The following ENOX1 variants were observed in gnomAD, a reference collection of about 807,000 sequenced individuals.
ENOX1 encodes candidate growth-related and time keeping constitutive hydroquinone (NADH) oxidase.
Under a neutral mutation model 82.5 loss-of-function variants are expected in ENOX1, and 42 were observed. That is an observed-to-expected ratio of 0.51 (90% CI 0.40 to 0.66). The LOEUF is 0.66. Ranked by LOEUF, ENOX1 falls within the 30% of genes least tolerant of loss-of-function variation. The pLI is 0.00. For synonymous variants in ENOX1, 271 were observed against 282.2 expected (o/e 0.96, Z 0.40); for missense variants, 608 against 811.6 (o/e 0.75, Z 3.05).
At chr13:43,244,944 G>A (rs1210883068) in intron 14 of ENOX1, among the ~76,000 whole-genome samples, 1 of 152,194 alleles carries the variant, frequency 6.6e-6, no homozygotes, top group Non-Finnish European at 1.5e-5. Context: ...ATGTGTATCA[G>A]CTACATTCTT....
chr13:43,530,138 T>G (rs762233131), intron 2 of ENOX1, among the ~76,000 whole-genome samples: 1 of 152,130 alleles, frequency 6.6e-6, no homozygotes, highest in Non-Finnish European at 1.5e-5. Flanking sequence ...GCATCCAATG[T>G]TCATAGTATT....
chr13:43,543,913 C>CTTTTTTTTTTTTTTTTTTTTTT (rs11324994), intron 2 of ENOX1: 14 of 97,426 alleles, frequency 1.4e-4, no homozygotes, highest in Non-Finnish European at 1.6e-4. Flanking sequence ...TTTTCTTTTT[C>CTTTTTTTTTTTTTTTTTTTTTT]TTTTTTTTTT....
chr13:43,602,996 C>T (rs1372185132), intron 2 of ENOX1, among the ~76,000 whole-genome samples: 3 of 152,012 alleles, frequency 2.0e-5, no homozygotes, highest in African/African-American at 7.2e-5. Context: ...ATAATAACAG[C>T]TTATGTGTAT....
chr13:43,556,778 T>C (rs1278455621), intron 2 of ENOX1, among the ~76,000 whole-genome samples: 1 of 151,312 alleles, frequency 6.6e-6, no homozygotes, highest in African/African-American at 2.4e-5. Context: ...CACCCAATAC[T>C]TAAAATGTTA....
intron 8 of ENOX1, among the ~76,000 whole-genome samples, chr13:43,349,876 C>T (rs543075685): frequency 1.7e-4 from 14 of 81,320 alleles, no homozygotes; most frequent in African/African-American, 4.3e-4. Context: ...TATCCCTGTC[C>T]CCACGACCAA....
At chr13:43,739,579 T>C (rs1299149161) in intron 1 of ENOX1, among the ~76,000 whole-genome samples, 2 of 150,452 alleles carry the variant, frequency 1.3e-5, no homozygotes, top group Non-Finnish European at 3.0e-5. Flanking sequence ...TATTATATAA[T>C]AAATGTATTT....
intron 14 of ENOX1, among the ~76,000 whole-genome samples, chr13:43,241,775 C>A (rs1444627): frequency 0.79 from 119,680 of 152,124 alleles, 47,512 homozygotes; most frequent in South Asian, 0.87. Context: ...AAAGAGTTAG[C>A]TACTTGAAGG....
At position 43,536,871 on chromosome 13, in the gene ENOX1, A is replaced by C. The variant is rs565641423; in HGVS notation, c.-218-52719T>G. On this transcript the variant is annotated intron_variant, in intron 2 of 16. Transcript: ENST00000690772. ...TGTATCTGTCTCTATCAAATGTATC[A>C]GATACATATGGAGGATATAAGGTGG... is the stretch of plus-strand genomic sequence containing the variant. Among the ~76,000 whole-genome samples the C allele has an allele frequency of 5.3e-4, 80 of 152,354 alleles. 1 individual carries two copies. In the South Asian group the frequency reaches 0.015, roughly 29 times the overall value.
chr13:43,581,299 AT>A (rs35660163), intron 2 of ENOX1, among the ~76,000 whole-genome samples: 5 of 149,416 alleles, frequency 3.3e-5, no homozygotes, highest in Non-Finnish European at 5.9e-5. Context: ...CGCCCGGCTA[AT>A]TTTTTGTATT....
At chr13:43,330,369 A>G (rs564301807) in intron 9 of ENOX1, among the ~76,000 whole-genome samples, 8 of 152,364 alleles carry the variant, frequency 5.3e-5, no homozygotes, top group African/African-American at 1.9e-4. Flanking sequence ...CAGAGGCCCC[A>G]CACAATCCTG....
chr13:43,392,326 A>G (rs1294711507), intron 5 of ENOX1, among the ~76,000 whole-genome samples: 4 of 152,240 alleles, frequency 2.6e-5, no homozygotes, highest in African/African-American at 9.7e-5. Context: ...GGTATTCACA[A>G]TAAAACATGG....
intron 1 of ENOX1, among the ~76,000 whole-genome samples, chr13:43,702,034 G>A (rs2153809005): frequency 6.6e-6 from 1 of 152,086 alleles, no homozygotes; most frequent in East Asian, 1.9e-4. Context: ...CACCACTAAT[G>A]TGTTCTCCAT....
At position 43,307,488 on chromosome 13, in the gene ENOX1, C is replaced by T. The variant is rs997834884; in HGVS notation, c.1262-8958G>A. Among the ~76,000 whole-genome samples, 6 of 152,302 alleles carry T rather than the reference C, an allele frequency of 3.9e-5. 1 individual carries two copies. The East Asian group carries it at 9.6e-4, about 24-fold the overall frequency. The stretch of plus-strand genomic sequence containing the variant: ...CCCTGGCCTTTAGGGACCAGGTCCC[C>T]ACTTCCTAATGCTTTCTTCATGACT... On this transcript the variant is annotated intron_variant, in intron 11 of 16. Transcript: ENST00000690772.
At chr13:43,604,976 T>C (rs1329274722) in intron 2 of ENOX1, among the ~76,000 whole-genome samples, 1 of 152,014 alleles carries the variant, frequency 6.6e-6, no homozygotes, top group Non-Finnish European at 1.5e-5. Flanking sequence ...CAGCAAACAA[T>C]CTGAAAAAGA....
At chr13:43,347,549 C>T (rs777234992) in intron 8 of ENOX1, among the ~76,000 whole-genome samples, 37 of 152,142 alleles carry the variant, frequency 2.4e-4, no homozygotes, top group Admixed American at 1.6e-3. Context: ...TTAATTAAGA[C>T]TAAGTCAGTA....
intron 2 of ENOX1, among the ~76,000 whole-genome samples, chr13:43,525,897 A>G (rs1306204519): frequency 2.6e-5 from 4 of 152,104 alleles, no homozygotes; most frequent in African/African-American, 9.7e-5. Flanking sequence ...TATCAAATAT[A>G]TGATTTGCAA....
intron 3 of ENOX1, among the ~76,000 whole-genome samples, chr13:43,445,402 T>C (rs146896881): frequency 0.076 from 11,504 of 152,220 alleles, 533 homozygotes; most frequent in Middle Eastern, 0.14. Flanking sequence ...GGATTACAGG[T>C]GTGAGCCACT....
chr13:43,292,426 A>G (rs2046050145), intron 12 of ENOX1, among the ~76,000 whole-genome samples: 1 of 152,170 alleles, frequency 6.6e-6, no homozygotes. Flanking sequence ...TCAGATAGAA[A>G]TTAAAAACAG....
intron 2 of ENOX1, among the ~76,000 whole-genome samples, chr13:43,628,924 A>G (rs1038049425): frequency 6.6e-6 from 1 of 152,172 alleles, no homozygotes; most frequent in African/African-American, 2.4e-5. Flanking sequence ...ATGTGAGGGT[A>G]GCACCATGAC....
Sources: gnomAD v4.1 joint callset for allele counts (sites outside exome capture counted in the v4.1 genomes callset) on GRCh38, gnomAD v4.1.1 for gene constraint, MANE v1.5 for transcripts, NCBI Gene and HGNC (gene_info 2026-07-23, HGNC 2026-07-21) for gene names.